GPR146: variants seen among roughly 807,000 people sequenced by gnomAD.
GPR146 encodes the protein G-protein coupled receptor 146.
For synonymous variants in GPR146, 203 were observed against 104.3 expected (o/e 1.95, Z -5.77); for missense variants, 381 against 213.9 (o/e 1.78, Z -4.87).
At chr7:1,045,872 G>A (rs77569514) in intron 1 of GPR146, 16,291 of 152,318 alleles carry the variant, frequency 0.11, 1,156 homozygotes, top group Middle Eastern at 0.21. Flanking sequence ...CCGTGCTGGC[G>A]TCCACGTGTC....
chr7:1,057,205 AG>A (rs934882162), intron 1 of GPR146, among the ~76,000 whole-genome samples: 1 of 152,150 alleles, frequency 6.6e-6, no homozygotes, highest in African/African-American at 2.4e-5. Flanking sequence ...GCCTCGCAGC[AG>A]CCCGTGAAGA....
chr7:1,049,427 C>T (rs150389486), intron 1 of GPR146, among the ~76,000 whole-genome samples: 191 of 152,282 alleles, frequency 1.3e-3, no homozygotes, highest in Middle Eastern at 3.4e-3. Context: ...CTGGGGAAAC[C>T]GAGGCACACA....
intron 1 of GPR146, among the ~76,000 whole-genome samples, chr7:1,047,525 C>T (rs1782691135): frequency 6.6e-6 from 1 of 152,260 alleles, no homozygotes; most frequent in African/African-American, 2.4e-5. Context: ...AAGCATCTGG[C>T]TCCTAGGAGC....
chr7:1,045,372 G>C (rs1782481954), intron 1 of GPR146: 2 of 152,240 alleles, frequency 1.3e-5, no homozygotes, highest in African/African-American at 4.8e-5. Context: ...AGATGTACTT[G>C]AGTCCTCCAT....
intron 1 of GPR146, among the ~76,000 whole-genome samples, chr7:1,046,136 C>T (rs980874226): frequency 5.3e-5 from 8 of 152,144 alleles, no homozygotes; most frequent in African/African-American, 1.4e-4. Flanking sequence ...GAAATATGCT[C>T]GTGTAATTTA....
At chr7:1,048,299 C>T (rs916530980) in intron 1 of GPR146, among the ~76,000 whole-genome samples, 1 of 152,184 alleles carries the variant, frequency 6.6e-6, no homozygotes, top group Non-Finnish European at 1.5e-5. Context: ...GAAAGAACTT[C>T]CCGACTAACA....
At chr7:1,055,918 C>A (rs754521349) in intron 1 of GPR146, among the ~76,000 whole-genome samples, 1 of 152,188 alleles carries the variant, frequency 6.6e-6, no homozygotes, top group Non-Finnish European at 1.5e-5. Flanking sequence ...TGGGGGGTGA[C>A]GTCCCCAAAC....
chr7:1,052,210 A>G lies in GPR146; in HGVS notation c.-24-5282A>G, dbSNP rs1191677032. ...AGACCCTGAGGCCTGCTCCAGGCTG[A>G]GTGGGTGAGGAGCCTCTGAGCAGGC... On this transcript the variant is annotated intron_variant, in intron 1 of 1. Coordinates refer to ENST00000444847, the MANE Select transcript of GPR146 (RefSeq NM_001303473.2). This position sits in a 1 kb window ranked among gnomAD's most constrained non-coding sequence, Gnocchi z 4.2. Among the ~76,000 whole-genome samples, 2 of 152,152 alleles carry G rather than the reference A, an allele frequency of 1.3e-5. No homozygotes were observed. The highest frequency in any genetic ancestry group is 3.9e-4 in the East Asian group (2 of 5,184).
chr7:1,058,597 CAGA>C lies in GPR146; in HGVS notation c.*83_*85del, dbSNP rs3215363. The C allele has an allele frequency of 0.029, 19,060 of 653,558 alleles. 1,183 individuals carry two copies. Among genetic ancestry groups the C allele is most frequent in the East Asian group, 0.22 (8,662 of 39,012 alleles). The allele number at this position is 653,558 out of a possible 1,614,324, so 40.5% of individuals were successfully genotyped here. ...ACCCTGGACGCTCCCCACATCCTTC[CAGA>C]AGGAGACGAGCTGCTGGAAGAGAAG... is the stretch of plus-strand genomic sequence containing the variant. On this transcript the variant is annotated 3_prime_UTR_variant, in exon 2 of 2. Coordinates refer to ENST00000444847, the MANE Select transcript of GPR146 (RefSeq NM_001303473.2).
At position 1,058,167 on chromosome 7, in the gene GPR146, A is replaced by G. The variant is rs775437769; in HGVS notation, c.652A>G (p.Thr218Ala). ...VLLSRVRRED[T>A]PLDRDTGRLE... ...ACTCTCCCGCGTCCGCAGGGAGGAC[A>G]CGCCCCTGGACCGGGACACGGGCCG... The change falls in exon 2 of 2, where the codon ACG (threonine) becomes GCG (alanine). Residue 218 changes from threonine (T) to alanine (A), a missense_variant. Coordinates refer to ENST00000444847, the MANE Select transcript of GPR146 (RefSeq NM_001303473.2). The G allele has an allele frequency of 5.4e-6, 4 of 737,832 alleles. No individual in the cohort carries two copies. In the South Asian group the frequency reaches 5.5e-5, roughly 10 times the overall value. The allele number at this position is 737,832 out of a possible 1,614,324, so 45.7% of individuals were successfully genotyped here.
chr7:1,053,984 G>A (rs1208435449), intron 1 of GPR146, among the ~76,000 whole-genome samples: 1 of 152,242 alleles, frequency 6.6e-6, no homozygotes, highest in Non-Finnish European at 1.5e-5. Flanking sequence ...GGCGGGTCAA[G>A]GAGACTTGTC....
Position 1,058,080 on chromosome 7 carries a change from G to A in GPR146, c.565G>A (p.Ala189Thr), listed in dbSNP as rs766737459. The A allele has an allele frequency of 3.0e-5, 23 of 766,892 alleles. 1 individual carries two copies. The highest frequency in any genetic ancestry group is 4.6e-4 in the Middle Eastern group (2 of 4,326). 47.5% of individuals were successfully genotyped at this position (766,892 alleles called of 1,614,324 possible). A position where few individuals can be genotyped will look rare whatever the true frequency, so the allele number is the denominator to read the frequency against. ...AKMQNAEAAD[A>T]TLVFIGYVVP... ...GATGCAGAACGCAGAAGCTGCCGACGCCACGCTGGTGTTCATCGGCTACGT... is the reference window on the plus strand; with the variant it reads ...GATGCAGAACGCAGAAGCTGCCGACACCACGCTGGTGTTCATCGGCTACGT... The change falls in exon 2 of 2, where the codon GCC (alanine) becomes ACC (threonine). Residue 189 changes from alanine (A) to threonine (T), a missense_variant. Coordinates refer to ENST00000444847, the MANE Select transcript of GPR146 (RefSeq NM_001303473.2).
Position 1,057,878 on chromosome 7 carries a change from C to G in GPR146, c.363C>G (p.Ala121=), listed in dbSNP as rs1464798958. 1 of 777,226 alleles carries G rather than the reference C, an allele frequency of 1.3e-6. No individual in the cohort carries two copies. The highest frequency in any genetic ancestry group is 1.7e-5 in the African/African-American group (1 of 59,272). 48.1% of individuals were successfully genotyped at this position (777,226 alleles called of 1,614,324 possible). Reference sequence around the variant, plus strand: ...CACTGGTGGCCATGTACTCCACCGCCCTGCTGAGCCTCGACCACTACATCG... The same window carrying G: ...CACTGGTGGCCATGTACTCCACCGCGCTGCTGAGCCTCGACCACTACATCG... The part of the protein sequence containing the change: ...VSSLVAMYST[A]LLSLDHYIER... The change falls in exon 2 of 2, where the codon GCC becomes GCG. Residue 121 remains alanine (A), a synonymous_variant. Coordinates refer to ENST00000444847, the MANE Select transcript of GPR146 (RefSeq NM_001303473.2).
intron 1 of GPR146, among the ~76,000 whole-genome samples, chr7:1,053,461 A>G (rs570376520): frequency 1.3e-5 from 2 of 152,326 alleles, no homozygotes; most frequent in South Asian, 4.1e-4. Flanking sequence ...AGGTGGGAAC[A>G]CTGGCTCACA....
At chr7:1,051,560 A>G (rs765094920) in intron 1 of GPR146, among the ~76,000 whole-genome samples, 5 of 152,252 alleles carry the variant, frequency 3.3e-5, no homozygotes, top group African/African-American at 7.2e-5. Context: ...TTGAAGCTGT[A>G]AAGACCTCTC....
At chr7:1,051,453 C>CT (rs1783103812) in intron 1 of GPR146, among the ~76,000 whole-genome samples, 1 of 152,250 alleles carries the variant, frequency 6.6e-6, no homozygotes, top group South Asian at 2.1e-4. Flanking sequence ...GCTGTACACT[C>CT]TGAGGCCAGC....
rs1782394833 is a variant in GPR146 at position 1,044,604 on chromosome 7, C to G, written c.-79C>G. On this transcript the variant is annotated 5_prime_UTR_variant, in exon 1 of 2. Transcript: ENST00000444847. ...CGCGCCGTGAGCCCCGCCGCCTCCG[C>G]CAGCCCGAGCTGCCCGCCCGGCGGC... 6.6e-6 allele frequency: 1 copy of G among 151,110 alleles called. No individual in the cohort carries two copies. The highest frequency in any genetic ancestry group is 2.4e-5 in the African/African-American group (1 of 41,318). The allele number at this position is 151,110 out of a possible 1,614,324, so 9.4% of individuals were successfully genotyped here.
intron 1 of GPR146, among the ~76,000 whole-genome samples, chr7:1,049,201 C>T (rs11972525): frequency 0.067 from 10,201 of 152,274 alleles, 1,084 homozygotes; most frequent in African/African-American, 0.23. Flanking sequence ...CCCTGCCCCA[C>T]GTTTCCCCTG....
In GPR146 at chr7:1,058,551, GTGGACGCAGAGCACTTAGTTACCC is replaced by G. The variant is rs749404702; in HGVS notation, c.*42_*65del. 1.3e-6 allele frequency: 1 copy of G among 754,464 alleles called. No homozygotes were observed. The highest frequency in any genetic ancestry group is 2.4e-5 in the East Asian group (1 of 41,020). 46.7% of individuals were successfully genotyped at this position (754,464 alleles called of 1,614,324 possible). On this transcript the variant is annotated 3_prime_UTR_variant, in exon 2 of 2. Transcript: ENST00000444847. ...GCCCTCCTGGGGAGACGTGACTCTG[GTGGACGCAGAGCACTTAGTTACCC>G]TGGACGCTCCCCACATCCTTCCAGA...
Sources: gnomAD v4.1 joint callset for allele counts (sites outside exome capture counted in the v4.1 genomes callset) on GRCh38, gnomAD v4.1.1 for gene constraint, Gnocchi (gnomAD v3.1) non-coding constraint, MANE v1.5 for transcripts, NCBI Gene and HGNC (gene_info 2026-07-23, HGNC 2026-07-21) for gene names.